CSMD1: variants seen among roughly 807,000 people sequenced by gnomAD.
The protein encoded by CSMD1 is CUB and sushi domain-containing protein 1.
In CSMD1, 213 loss-of-function variants were observed where a neutral mutation model predicts 417.5. The ratio of observed to expected loss-of-function variants is 0.51; its 90% CI spans 0.46 to 0.57. The LOEUF is 0.57. Among genes scored for constraint, CSMD1 ranks in the 20% least tolerant of loss-of-function variants. The pLI is 0.00. For synonymous variants in CSMD1, 2,862 were observed against 1,736.8 expected (o/e 1.65, Z -16.11); for missense variants, 6,923 against 4,529.7 (o/e 1.53, Z -15.17).
rs1198083327 is a variant in CSMD1, at chr8:4,031,894, T to C, written c.610+11A>G. The C allele has an allele frequency of 1.9e-6, 3 of 1,605,344 alleles. No individual in the cohort carries two copies. Among genetic ancestry groups the C allele is most frequent in the Admixed American group, 1.7e-5 (1 of 59,510 alleles). ...TGGAGTCTGCTCACCAGCCCCCTTG[T>C]AGCACTGTACCTCTGCAAAAGGGAG... On this transcript the variant is annotated intron_variant, in intron 4 of 69. Coordinates refer to ENST00000635120, the MANE Select transcript of CSMD1 (RefSeq NM_033225.6).
intron 1 of CSMD1, among the ~76,000 whole-genome samples, chr8:4,820,856 A>G (rs1311401803): frequency 2.0e-5 from 3 of 152,186 alleles, no homozygotes; most frequent in Non-Finnish European, 4.4e-5. Context: ...TGCAAGAATA[A>G]TTGTTGTTAC....
At chr8:3,409,389 C>T (rs1363493344) in intron 13 of CSMD1, 34 bp downstream of exon 13, 54 of 1,569,222 alleles carry the variant, frequency 3.4e-5, no homozygotes, top group Non-Finnish European at 4.4e-5. Context: ...CCTTGCAGGA[C>T]AGGAGGGAGT....
intron 54 of CSMD1, among the ~76,000 whole-genome samples, chr8:2,997,041 C>T (rs775401507): frequency 6.6e-5 from 10 of 152,178 alleles, no homozygotes; most frequent in Non-Finnish European, 1.3e-4. Context: ...GGCTGGGGCT[C>T]GGCGGAGGCA....
intron 5 of CSMD1, among the ~76,000 whole-genome samples, chr8:3,857,081 T>A (rs554256254): frequency 1.3e-5 from 2 of 151,824 alleles, no homozygotes; most frequent in South Asian, 2.1e-4. Context: ...AAAAAAAAAA[T>A]TAAAAATGAC....
intron 12 of CSMD1, among the ~76,000 whole-genome samples, chr8:3,463,932 C>T (rs376304994): frequency 2.0e-5 from 3 of 152,286 alleles, no homozygotes; most frequent in East Asian, 3.9e-4. Context: ...GAGATGCCTA[C>T]ACAAATTTCC....
chr8:4,799,332 A>G (rs534008950), intron 1 of CSMD1, among the ~76,000 whole-genome samples: 10 of 152,318 alleles, frequency 6.6e-5, no homozygotes, highest in African/African-American at 2.4e-4. Flanking sequence ...AATCAAAGAC[A>G]TGACTGGTAA....
rs746770448 is a variant in CSMD1, at chr8:3,286,655, C to T, written c.3951-2309G>A. On this transcript the variant is annotated intron_variant, in intron 25 of 69. Transcript: ENST00000635120. The stretch of plus-strand genomic sequence containing the variant: ...GAGAAGTGTCTGTTCATATCCTTCA[C>T]CCACTTATTGAAGGGGTTGTTTTTT... Among the ~76,000 whole-genome samples the T allele has an allele frequency of 1.3e-4, 19 of 150,464 alleles. 1 individual carries two copies. The highest frequency in any genetic ancestry group is 1.9e-4 in the Non-Finnish European group (13 of 66,902).
intron 10 of CSMD1, among the ~76,000 whole-genome samples, chr8:3,572,429 T>G (rs1799984489): frequency 6.6e-6 from 1 of 152,152 alleles, no homozygotes; most frequent in South Asian, 2.1e-4. Context: ...GGGAGCTTCC[T>G]GGAGAGCCCC....
intron 3 of CSMD1, among the ~76,000 whole-genome samples, chr8:4,232,587 G>A (rs1801806527): frequency 6.6e-6 from 1 of 152,168 alleles, no homozygotes; most frequent in African/African-American, 2.4e-5. Context: ...AATGACTCTT[G>A]TGATCCTAAC....
At chr8:3,794,465 A>C (rs1409025873) in intron 5 of CSMD1, among the ~76,000 whole-genome samples, 4 of 152,132 alleles carry the variant, frequency 2.6e-5, no homozygotes. Context: ...AAACCAATTA[A>C]ATCAACAAAT....
intron 10 of CSMD1, among the ~76,000 whole-genome samples, chr8:3,546,884 A>T (rs917754749): frequency 6.6e-6 from 1 of 152,228 alleles, no homozygotes; most frequent in Non-Finnish European, 1.5e-5. Context: ...GTTGCAAGGG[A>T]AACTGTGAAA....
At chr8:2,983,876 A>G (rs1805633034) in intron 54 of CSMD1, among the ~76,000 whole-genome samples, 2 of 152,236 alleles carry the variant, frequency 1.3e-5, no homozygotes. Flanking sequence ...TTATACAAAA[A>G]GGAAAAGTAA....
At chr8:4,816,332 G>A (rs961358062) in intron 1 of CSMD1, among the ~76,000 whole-genome samples, 2 of 152,028 alleles carry the variant, frequency 1.3e-5, no homozygotes, top group Non-Finnish European at 2.9e-5. Flanking sequence ...TTACAGGCAA[G>A]CATCACCACA....
chr8:2,962,369 C>T, intron 61 of CSMD1, 97 bp downstream of exon 61: 2 of 1,101,102 alleles, frequency 1.8e-6, no homozygotes, highest in Non-Finnish European at 2.6e-6. Context: ...TCTATGGAAA[C>T]ACTTTCTATG....
intron 49 of CSMD1, among the ~76,000 whole-genome samples, chr8:3,084,147 C>A (rs1814345982): frequency 6.6e-6 from 1 of 152,162 alleles, no homozygotes; most frequent in Non-Finnish European, 1.5e-5. Context: ...AGAAAAGCAG[C>A]TGAAAACCCA....
intron 7 of CSMD1, among the ~76,000 whole-genome samples, chr8:3,647,788 G>C (rs1010056284): frequency 2.6e-5 from 4 of 152,198 alleles, no homozygotes; most frequent in South Asian, 4.1e-4. Context: ...GAAAGAGAGA[G>C]AGATATTGAA....
At chr8:2,972,494 C>G (rs996153221) in intron 57 of CSMD1, among the ~76,000 whole-genome samples, 5 of 152,154 alleles carry the variant, frequency 3.3e-5, no homozygotes, top group Non-Finnish European at 7.4e-5. Context: ...ACCATCACCT[C>G]TCAGTTCACC....
chr8:4,703,792 C>G (rs950071251), intron 1 of CSMD1, among the ~76,000 whole-genome samples: 1 of 152,226 alleles, frequency 6.6e-6, no homozygotes. Flanking sequence ...CGAAGAGACC[C>G]GATCATCAAG....
At chr8:4,943,011 G>A (rs1808119050) in intron 1 of CSMD1, among the ~76,000 whole-genome samples, 1 of 152,178 alleles carries the variant, frequency 6.6e-6, no homozygotes, top group Admixed American at 6.5e-5. Flanking sequence ...ACTCTGTTGA[G>A]AGTATGGCTT....
Sources: gnomAD v4.1 joint callset for allele counts (sites outside exome capture counted in the v4.1 genomes callset) on GRCh38, gnomAD v4.1.1 for gene constraint, MANE v1.5 for transcripts, NCBI Gene and HGNC (gene_info 2026-07-23, HGNC 2026-07-21) for gene names.